Variants in TLL2 observed in about 807,000 individuals in gnomAD.
The protein encoded by TLL2 is tolloid like 2, also known as tolloid-like protein 2.
TLL2 carries 106 observed loss-of-function variants against 123.0 expected under a neutral mutation model. The ratio of observed to expected loss-of-function variants is 0.86; its 90% CI spans 0.74 to 1.01. The LOEUF is 1.01. Ranked by LOEUF, TLL2 falls within the 50% of genes least tolerant of loss-of-function variation. The pLI, the probability that TLL2 is intolerant of heterozygous loss-of-function variation, is 0.00. For synonymous variants in TLL2, 494 were observed against 516.8 expected (o/e 0.96, Z 0.60); for missense variants, 1,332 against 1,336.7 (o/e 1.00, Z 0.06).
At chr10:96,462,984 A>G (rs929501707) in intron 2 of TLL2, among the ~76,000 whole-genome samples, 1 of 152,260 alleles carries the variant, frequency 6.6e-6, no homozygotes, top group Non-Finnish European at 1.5e-5. Context: ...AGCTGGGAAC[A>G]TGCAAATTGG....
At chr10:96,472,561 A>G (rs1032089120) in intron 2 of TLL2, among the ~76,000 whole-genome samples, 2 of 152,028 alleles carry the variant, frequency 1.3e-5, no homozygotes, top group Non-Finnish European at 2.9e-5. Flanking sequence ...CAGGAGTTCA[A>G]GACCAGCCTG....
chr10:96,395,124 T>C (rs1244932493), intron 13 of TLL2, 63 bp downstream of exon 13: 1 of 1,506,660 alleles, frequency 6.6e-7, no homozygotes, highest in Non-Finnish European at 9.0e-7. Context: ...TTGTGTGTCT[T>C]AGGCCAGGGG....
chr10:96,505,566 TA>T (rs1847570671), intron 1 of TLL2, among the ~76,000 whole-genome samples: 1 of 152,238 alleles, frequency 6.6e-6, no homozygotes, highest in South Asian at 2.1e-4. Context: ...TAGATATTAG[TA>T]ACCACATTCA....
rs769884629 is a variant in TLL2 at position 96,405,282 on chromosome 10, T to C, written c.1217A>G (p.Tyr406Cys). Residue 406 changes from tyrosine (Y) to cysteine (C), a missense_variant, in exon 10 of 21, where the codon TAT becomes TGT. Transcript: ENST00000357947. ...ACCATCCCGGACCTCCACGTAATCA[T>C]ACCAGCACAGTCGGCTTTTAAACAA... is the stretch of plus-strand genomic sequence containing the variant. ...MDLFKSRLCW[Y>C]DYVEVRDGYW... is the part of the protein sequence containing the mutation. 1.9e-6 allele frequency: 3 copies of C among 1,614,206 alleles called. No individual in the cohort carries two copies. Among genetic ancestry groups the C allele is most frequent in the Admixed American group, 1.7e-5 (1 of 60,020 alleles).
At chr10:96,429,363 C>CA (rs35968467) in intron 4 of TLL2, among the ~76,000 whole-genome samples, 98,414 of 142,102 alleles carry the variant, frequency 0.69, 33,455 homozygotes, top group Middle Eastern at 0.77. Flanking sequence ...TAAATATTTT[C>CA]AAAAAAAAAA....
chr10:96,477,939 T>C (rs920818082), intron 2 of TLL2, among the ~76,000 whole-genome samples: 1 of 152,208 alleles, frequency 6.6e-6, no homozygotes, highest in Non-Finnish European at 1.5e-5. Context: ...GCCCAGACTC[T>C]GGGGGATCTA....
chr10:96,493,625 G>C (rs1479502420), intron 1 of TLL2, among the ~76,000 whole-genome samples: 3 of 152,052 alleles, frequency 2.0e-5, no homozygotes, highest in African/African-American at 7.2e-5. Context: ...ATTGGGGAAC[G>C]GGATCCTGAG....
rs59410676 is a variant in TLL2 at position 96,409,539 on chromosome 10, T to C, written c.1164+820A>G. The stretch of plus-strand genomic sequence containing the variant: ...AGTTCTCAGTTTCTAGTTCTATATC[T>C]TACCTTGACTTTTGGCACTTTCCTT... On this transcript the variant is annotated intron_variant, in intron 9 of 20. Coordinates refer to ENST00000357947, the MANE Select transcript of TLL2 (RefSeq NM_012465.4). Among the ~76,000 whole-genome samples, 1,365 of 152,316 alleles carry C rather than the reference T, an allele frequency of 9.0e-3. 79 individuals are homozygous for C. In the South Asian group the frequency reaches 0.13, roughly 14 times the overall value.
At chr10:96,392,411 T>C (rs765432947) in intron 13 of TLL2, among the ~76,000 whole-genome samples, 3 of 152,130 alleles carry the variant, frequency 2.0e-5, no homozygotes, top group Non-Finnish European at 4.4e-5. Flanking sequence ...AAAAAAATCA[T>C]TCTGTATCTA....
chr10:96,470,476 C>T (rs992411704), intron 2 of TLL2, among the ~76,000 whole-genome samples: 7 of 152,208 alleles, frequency 4.6e-5, no homozygotes, highest in African/African-American at 7.2e-5. Flanking sequence ...GTTGATGGGT[C>T]GGGCAGATGC....
chr10:96,421,137 G>C (rs1708163515), intron 6 of TLL2, 76 bp from the exon 7 acceptor site: 3 of 1,140,754 alleles, frequency 2.6e-6, no homozygotes, highest in African/African-American at 3.0e-5. Context: ...AGGAGAAGGA[G>C]GGCCCATAAC....
intron 13 of TLL2, among the ~76,000 whole-genome samples, chr10:96,389,512 G>A (rs965673972): frequency 1.3e-5 from 2 of 152,210 alleles, no homozygotes; most frequent in Non-Finnish European, 1.5e-5. Flanking sequence ...TTCAAGGATG[G>A]GCCAGTGGAG....
chr10:96,494,616 C>T (rs1304220508), intron 1 of TLL2, among the ~76,000 whole-genome samples: 1 of 152,202 alleles, frequency 6.6e-6, no homozygotes, highest in Non-Finnish European at 1.5e-5. Flanking sequence ...GCTTCCTACC[C>T]GTGGACCTAA....
intron 1 of TLL2, among the ~76,000 whole-genome samples, chr10:96,485,451 C>T (rs1589434384): frequency 2.0e-5 from 3 of 151,982 alleles, no homozygotes; most frequent in Admixed American, 6.6e-5. Context: ...AATTCAACAA[C>T]AAAAAGGCAA....
intron 1 of TLL2, among the ~76,000 whole-genome samples, chr10:96,492,492 C>T (rs1316395632): frequency 2.0e-5 from 3 of 152,122 alleles, no homozygotes; most frequent in Non-Finnish European, 4.4e-5. Flanking sequence ...GGCATGGTGG[C>T]GGGCACCTGT....
intron 18 of TLL2, 150 bp from the exon 19 acceptor site, chr10:96,373,959 G>T: frequency 1.5e-6 from 1 of 657,454 alleles, no homozygotes; most frequent in African/African-American, 1.8e-5. Flanking sequence ...GATGATGCTT[G>T]AGGACATCTG....
intron 19 of TLL2, among the ~76,000 whole-genome samples, chr10:96,371,418 C>T (rs933608233): frequency 6.6e-6 from 1 of 152,166 alleles, no homozygotes; most frequent in Non-Finnish European, 1.5e-5. Context: ...TCTTGCACAG[C>T]CCCTCCCCAG....
chr10:96,513,830 A>C lies in TLL2; in HGVS notation c.-145T>G. ...CTGGGCATGGCTCAGGCGCGGAGCA[A>C]GCGGAGCGCGGCGCCCCCTGTCTTC... On this transcript the variant is annotated 5_prime_UTR_variant, in exon 1 of 21. Transcript: ENST00000357947. 1.1e-6 allele frequency: 1 copy of C among 872,778 alleles called. No homozygotes were observed. The highest frequency in any genetic ancestry group is 1.6e-6 in the Non-Finnish European group (1 of 632,440). The allele number at this position is 872,778 out of a possible 1,614,324, so 54.1% of individuals were successfully genotyped here.
Position 96,367,949 on chromosome 10 carries a change from C to T in TLL2, c.*139G>A. 2 of 1,069,856 alleles carry T rather than the reference C, an allele frequency of 1.9e-6. No individual in the cohort carries two copies. The highest frequency in any genetic ancestry group is 2.8e-5 in the Admixed American group (1 of 36,112). 66.3% of individuals were successfully genotyped at this position (1,069,856 alleles called of 1,614,324 possible). A position where few individuals can be genotyped will look rare whatever the true frequency, so the allele number is the denominator to read the frequency against. On this transcript the variant is annotated 3_prime_UTR_variant, in exon 21 of 21. Transcript: ENST00000357947. ...ACAAGACTTTCATTCAAATATATAC[C>T]TCTAAGGCTGGATTCTGAGTTTTTG...
Sources: allele counts gnomAD v4.1 joint callset (sites outside exome capture counted in the v4.1 genomes callset), GRCh38; gene constraint gnomAD v4.1.1; transcripts MANE v1.5; gene names NCBI Gene and HGNC (gene_info 2026-07-23, HGNC 2026-07-21).